PLEKHH2: variants seen among roughly 807,000 people sequenced by gnomAD.
The protein encoded by PLEKHH2 is pleckstrin homology, MyTH4 and FERM domain containing H2.
Under a neutral mutation model 187.9 loss-of-function variants are expected in PLEKHH2, and 129 were observed. That is an observed-to-expected ratio of 0.69 (90% CI 0.59 to 0.79). The LOEUF is 0.79. PLEKHH2 is among the 30% of genes least tolerant of loss of function. PLEKHH2 has a pLI of 0.00. For missense variants in PLEKHH2, 2,076 were observed against 1,751.2 expected, an observed-to-expected ratio of 1.19 and a Z score of -3.31; for synonymous variants, 686 against 605.6, an observed-to-expected ratio of 1.13 and a Z score of -1.95.
Position 43,704,376 on chromosome 2 carries a change from G to C in PLEKHH2, c.1726+320G>C, listed in dbSNP as rs1027040805. Among the ~76,000 whole-genome samples, 4 of 152,152 alleles carry C rather than the reference G, an allele frequency of 2.6e-5. 1 individual carries two copies. The highest frequency in any genetic ancestry group is 2.6e-4 in the Admixed American group (4 of 15,266). On this transcript the variant is annotated intron_variant, in intron 9 of 29. Coordinates refer to ENST00000282406, the MANE Select transcript of PLEKHH2 (RefSeq NM_172069.4). ...GAACTGTACAATTAAAAATGATTAA[G>C]ATGGGCCGGGCACGGTGGCTCGCGC...
chr2:43,721,936 G>A (rs1161782365), intron 16 of PLEKHH2, among the ~76,000 whole-genome samples: 4 of 151,862 alleles, frequency 2.6e-5, no homozygotes, highest in East Asian at 1.9e-4. Context: ...GGAAAATGCC[G>A]ACATACAAAT....
chr2:43,658,388 A>C (rs1321293898), intron 2 of PLEKHH2, among the ~76,000 whole-genome samples: 1 of 152,220 alleles, frequency 6.6e-6, no homozygotes, highest in Non-Finnish European at 1.5e-5. Flanking sequence ...TTAGTTATCT[A>C]TTGCTGTATT....
chr2:43,673,421 C>T (rs973629023), intron 2 of PLEKHH2, among the ~76,000 whole-genome samples: 2 of 152,166 alleles, frequency 1.3e-5, no homozygotes, highest in African/African-American at 2.4e-5. Flanking sequence ...GAGTTACCAC[C>T]AGCTTTTCAC....
At chr2:43,709,366 A>T (rs1442304193) in intron 11 of PLEKHH2, among the ~76,000 whole-genome samples, 1 of 152,218 alleles carries the variant, frequency 6.6e-6, no homozygotes, top group Non-Finnish European at 1.5e-5. Context: ...AATCTTGATA[A>T]ATTAAGGTTC....
At chr2:43,723,242 C>A (rs556373290) in intron 16 of PLEKHH2, among the ~76,000 whole-genome samples, 18 of 152,252 alleles carry the variant, frequency 1.2e-4, no homozygotes, top group East Asian at 3.9e-4. Flanking sequence ...TTTACCTCTA[C>A]TTTCTTAGGG....
chr2:43,694,353 C>A, intron 4 of PLEKHH2, 78 bp from the exon 5 acceptor site: 1 of 1,431,064 alleles, frequency 7.0e-7, no homozygotes, highest in Non-Finnish European at 9.3e-7. Context: ...AGTGGATATG[C>A]CTTGTATATT....
At position 43,738,411 on chromosome 2, in the gene PLEKHH2, G is replaced by A. The variant is rs761978975; in HGVS notation, c.3014G>A (p.Ser1005Asn). The change falls in exon 20 of 30, where the codon AGT becomes AAT. Residue 1005 changes from serine to asparagine, a missense_variant. Coordinates refer to ENST00000282406, the MANE Select transcript of PLEKHH2 (RefSeq NM_172069.4). The part of the protein sequence containing the change: ...AIDYHISLAQ[S>N]ALQICLTHPE... ...GATTACCACATATCTTTAGCCCAGAGTGCTTTGCAAATCTGCCTGACACAT... is the reference window on the plus strand; with the variant it reads ...GATTACCACATATCTTTAGCCCAGAATGCTTTGCAAATCTGCCTGACACAT... 1 of 1,614,044 alleles carries A rather than the reference G, an allele frequency of 6.2e-7. No individual in the cohort carries two copies.
rs1223685348 is a variant in PLEKHH2 at position 43,678,903 on chromosome 2, A to C, written c.164A>C (p.Gln55Pro). Residue 55 changes from glutamine to proline, a missense_variant, in exon 3 of 30, where the codon CAA becomes CCA. Gln to Pro is a moderately conservative substitution (Grantham distance 76). Transcript: ENST00000282406. ...LERQVIDAER[Q>P]AEKAFQQVQV... is the part of the protein sequence containing the mutation. ...AGACAAGTTATTGATGCTGAACGTC[A>C]AGCAGAAAAAGCTTTTCAACAGGTA... 4 of 1,609,272 alleles carry C rather than the reference A, an allele frequency of 2.5e-6. No individual in the cohort carries two copies. The African/African-American group carries it at 5.3e-5, about 21-fold the overall frequency.
chr2:43,676,141 A>G (rs545722191), intron 2 of PLEKHH2: 2 of 1,614,046 alleles, frequency 1.2e-6, no homozygotes, highest in East Asian at 2.2e-5. Flanking sequence ...GAGCTCCAAG[A>G]GTATCACTTT....
In PLEKHH2 at chr2:43,765,534, G is replaced by C. The variant is rs1470577364; in HGVS notation, c.4418G>C (p.Arg1473Thr). The stretch of plus-strand genomic sequence containing the variant: ...GCCCAGACCCGGGGACCCCAAGCCA[G>C]AATGATGGGAAGCCAGCCTCTTCTG... The part of the protein sequence containing the change: ...LSAQTRGPQA[R>T]MMGSQPLLSS... Residue 1473 changes from arginine to threonine, a missense_variant, in exon 30 of 30, where the codon AGA (arginine) becomes ACA (threonine). Arg to Thr is a moderately conservative substitution (Grantham distance 71). Transcript: ENST00000282406. 2 of 1,614,010 alleles carry C rather than the reference G, an allele frequency of 1.2e-6. No individual in the cohort carries two copies. The highest frequency in any genetic ancestry group is 1.7e-6 in the Non-Finnish European group (2 of 1,179,998).
chr2:43,741,373 C>G (rs59545826), intron 21 of PLEKHH2: 10,714 of 163,936 alleles, frequency 0.065, 843 homozygotes, highest in African/African-American at 0.19. Flanking sequence ...TTAGTTTTCC[C>G]TTTTACTATT....
chr2:43,731,621 G>C lies in PLEKHH2; in HGVS notation c.2943+19G>C, dbSNP rs760227639. The C allele has an allele frequency of 2.1e-6, 3 of 1,426,912 alleles. No individual in the cohort carries two copies. Among genetic ancestry groups the C allele is most frequent in the South Asian group, 2.5e-5 (2 of 79,036 alleles). The allele number at this position is 1,426,912 out of a possible 1,614,324, so 88.4% of individuals were successfully genotyped here. A position where few individuals can be genotyped will look rare whatever the true frequency, so the allele number is the denominator to read the frequency against. ...ATTTAAGGTAAAATATTTATATGTT[G>C]TTAAATGATTTAAGGTAAAATACTT... On this transcript the variant is annotated intron_variant, in intron 19 of 29. Transcript: ENST00000282406.
rs371260816 is a variant in PLEKHH2 at position 43,731,566 on chromosome 2, C to T, written c.2907C>T (p.Ser969=). ...TTTCCCCTCTGACAACTCTACCTTCCGAAGCCCTGCAGACAGAAGCTATTA... is the reference window on the plus strand; with the variant it reads ...TTTCCCCTCTGACAACTCTACCTTCTGAAGCCCTGCAGACAGAAGCTATTA... ...GIISPLTTLP[S]EALQTEAIKL... The change falls in exon 19 of 30, where the codon TCC becomes TCT. Residue 969 remains serine (S), a synonymous_variant. Coordinates refer to ENST00000282406, the MANE Select transcript of PLEKHH2 (RefSeq NM_172069.4). The T allele has an allele frequency of 1.6e-5, 26 of 1,597,526 alleles. No individual in the cohort carries two copies. Among genetic ancestry groups the T allele is most frequent in the East Asian group, 2.2e-5 (1 of 44,760 alleles).
intron 15 of PLEKHH2, among the ~76,000 whole-genome samples, chr2:43,717,843 T>A (rs879537566): frequency 3.3e-5 from 5 of 152,262 alleles, no homozygotes; most frequent in Admixed American, 2.0e-4. Flanking sequence ...TTAAGTGAAT[T>A]ATTTAAACAT....
chr2:43,696,675 A>C, intron 6 of PLEKHH2, among the ~76,000 whole-genome samples: 1 of 152,064 alleles, frequency 6.6e-6, no homozygotes, highest in East Asian at 1.9e-4. Flanking sequence ...CTCATGGCTG[A>C]AAACTAAGAT....
intron 19 of PLEKHH2, 74 bp downstream of exon 19, chr2:43,731,676 A>G: frequency 9.8e-7 from 1 of 1,022,964 alleles, no homozygotes; most frequent in Non-Finnish European, 1.4e-6. Flanking sequence ...GAAAAAAATT[A>G]AAAATAACAT....
chr2:43,677,203 G>GT (rs201252535), intron 2 of PLEKHH2, among the ~76,000 whole-genome samples: 27,395 of 146,900 alleles, frequency 0.19, 2,549 homozygotes, highest in Middle Eastern at 0.31. Flanking sequence ...GACTTTATGA[G>GT]TTTTTTTTTT....
chr2:43,704,532 G>A (rs1015636376), intron 9 of PLEKHH2, among the ~76,000 whole-genome samples: 12 of 151,732 alleles, frequency 7.9e-5, no homozygotes, highest in South Asian at 2.1e-4. Context: ...GCGTGGTGGC[G>A]GGCGCCCATA....
chr2:43,741,395 T>C (rs1470114718), intron 21 of PLEKHH2: 8 of 156,614 alleles, frequency 5.1e-5, no homozygotes, highest in Non-Finnish European at 8.4e-5. Flanking sequence ...CTCTGCACAT[T>C]GAATTCTTTT....
Sources: allele counts gnomAD v4.1 joint callset (sites outside exome capture counted in the v4.1 genomes callset), GRCh38; gene constraint gnomAD v4.1.1; transcripts MANE v1.5; gene names NCBI Gene and HGNC (gene_info 2026-07-23, HGNC 2026-07-21).